Variants in SHPRH observed in about 807,000 individuals in gnomAD.
SHPRH encodes the protein E3 ubiquitin-protein ligase SHPRH.
SHPRH carries 106 observed loss-of-function variants against 202.5 expected under a neutral mutation model. The observed-to-expected ratio is 0.52, with a 90% CI of 0.45 to 0.62. The LOEUF is 0.62. SHPRH is among the 20% of genes least tolerant of loss of function. The probability of loss-of-function intolerance (pLI) is 0.00; values close to 1 mark genes in which losing one functional copy is unlikely to be tolerated. For synonymous variants in SHPRH, 729 were observed against 686.0 expected (o/e 1.06, Z -0.98); for missense variants, 1,710 against 2,020.0 (o/e 0.85, Z 2.94).
chr6:145,896,530 A>G (rs556995672), intron 25 of SHPRH, among the ~76,000 whole-genome samples: 1 of 152,196 alleles, frequency 6.6e-6, no homozygotes, highest in African/African-American at 2.4e-5. Context: ...AAAAGAACAG[A>G]GCATTTGCTT....
chr6:145,932,249 A>G (rs991484776), intron 14 of SHPRH, among the ~76,000 whole-genome samples: 3 of 152,120 alleles, frequency 2.0e-5, no homozygotes, highest in African/African-American at 7.2e-5. Context: ...GTGCTTATTA[A>G]AAGTGCCAGT....
chr6:145,928,775 A>G (rs1223389168), intron 14 of SHPRH, among the ~76,000 whole-genome samples: 1 of 151,988 alleles, frequency 6.6e-6, no homozygotes, highest in African/African-American at 2.4e-5. Context: ...TCTATTAGTT[A>G]GCTAATACAA....
chr6:145,871,516 A>T (rs915847696), intron 2 of SHPRH: 2 of 152,194 alleles, frequency 1.3e-5, no homozygotes, highest in Admixed American at 6.5e-5. Context: ...TTCAAGGAGA[A>T]CTACAAAGCA....
At chr6:145,941,510 C>T in intron 10 of SHPRH, 113 bp downstream of exon 10, 1 of 1,478,716 alleles carries the variant, frequency 6.8e-7, no homozygotes, top group Non-Finnish European at 9.0e-7. Flanking sequence ...AAACTTTTGA[C>T]CAATATCAGT....
intron 29 of SHPRH, 44 bp downstream of exon 29, chr6:145,887,976 C>A: frequency 7.0e-7 from 1 of 1,432,710 alleles, no homozygotes. Context: ...AAACTTTTAA[C>A]AGGAAAACCT....
chr6:145,869,819 C>CTTTTTT (rs71028375), intron 2 of SHPRH, among the ~76,000 whole-genome samples: 3 of 134,580 alleles, frequency 2.2e-5, no homozygotes, highest in Non-Finnish European at 3.2e-5. Flanking sequence ...TTTTTCTTTT[C>CTTTTTT]TTTTTTTTTT....
chr6:145,900,609 T>C (rs1480444455), intron 25 of SHPRH, among the ~76,000 whole-genome samples: 1 of 152,126 alleles, frequency 6.6e-6, no homozygotes, highest in East Asian at 1.9e-4. Context: ...AATAATGTAT[T>C]GTATACCATT....
downstream of SHPRH, among the ~76,000 whole-genome samples, chr6:145,880,306 AT>A (rs1780503890): frequency 6.6e-6 from 1 of 152,098 alleles, no homozygotes; most frequent in Non-Finnish European, 1.5e-5. Context: ...CCTCTGCAAA[AT>A]TCTTGACCCA....
chr6:145,960,925 A>G (rs9399571), intron 1 of SHPRH, among the ~76,000 whole-genome samples: 95,619 of 151,924 alleles, frequency 0.63, 30,624 homozygotes, highest in African/African-American at 0.73. Flanking sequence ...ACCTTAGATC[A>G]TCAGGCATTA....
chr6:145,962,206 G>A lies in SHPRH; in HGVS notation c.-33+1525C>T, dbSNP rs118104357. On this transcript the variant is annotated intron_variant, in intron 1 of 29. Transcript: ENST00000275233. ...TCCATGACTAGAGAAGCTGAGTTAAGGGCCTCTCTCTCCTCGATCCCAACT... is the reference window on the plus strand; with the variant it reads ...TCCATGACTAGAGAAGCTGAGTTAAAGGCCTCTCTCTCCTCGATCCCAACT... Among the ~76,000 whole-genome samples the A allele has an allele frequency of 4.2e-3, 634 of 152,278 alleles. 18 individuals are homozygous for A. The East Asian group carries it at 0.071, about 17-fold the overall frequency.
intron 2 of SHPRH, among the ~76,000 whole-genome samples, chr6:145,874,050 T>C (rs1780185285): frequency 6.6e-6 from 1 of 151,580 alleles, no homozygotes; most frequent in Non-Finnish European, 1.5e-5. Context: ...AATACAAAAT[T>C]AGCGGCGCAT....
intron 2 of SHPRH, among the ~76,000 whole-genome samples, chr6:145,876,412 T>C (rs1436492258): frequency 1.3e-5 from 2 of 152,196 alleles, no homozygotes; most frequent in African/African-American, 4.8e-5. Context: ...AGACATTTCT[T>C]ATAAACAGAA....
the SHPRH span, among the ~76,000 whole-genome samples, chr6:145,858,052 G>A: frequency 6.6e-6 from 1 of 152,032 alleles, no homozygotes; most frequent in African/African-American, 2.4e-5. Flanking sequence ...TAAAATTAAG[G>A]AATGACTATA....
At chr6:145,870,202 C>A (rs1236255000) in intron 2 of SHPRH, among the ~76,000 whole-genome samples, 1 of 150,942 alleles carries the variant, frequency 6.6e-6, no homozygotes, top group Non-Finnish European at 1.5e-5. Flanking sequence ...TCTTCTCTTA[C>A]AACCTTTCTA....
At chr6:145,907,492 C>G (rs963493741) in intron 25 of SHPRH, 1 of 152,088 alleles carries the variant, frequency 6.6e-6, no homozygotes, top group Non-Finnish European at 1.5e-5. Flanking sequence ...ATGGCTTTCT[C>G]CTTAAATAAA....
At chr6:145,891,567 A>C (rs980826315) in intron 28 of SHPRH, among the ~76,000 whole-genome samples, 5 of 152,164 alleles carry the variant, frequency 3.3e-5, no homozygotes, top group Admixed American at 6.6e-5. Flanking sequence ...CATGTTCCTA[A>C]AACAGTGCCT....
intron 2 of SHPRH, among the ~76,000 whole-genome samples, chr6:145,867,629 TATAGAGAGAGAGAG>T (rs1161550758): frequency 5.0e-4 from 22 of 43,910 alleles, no homozygotes; most frequent in African/African-American, 2.4e-3. Flanking sequence ...TATATATATA[TATAGAGAGAGAGAG>T]AGAGAGAGAG....
intron 2 of SHPRH, among the ~76,000 whole-genome samples, chr6:145,873,215 T>G (rs950833482): frequency 1.3e-5 from 2 of 152,108 alleles, no homozygotes; most frequent in Non-Finnish European, 2.9e-5. Flanking sequence ...AGAGTGATTA[T>G]GTCAGGGACT....
At chr6:145,930,742 C>T (rs527880280) in intron 14 of SHPRH, among the ~76,000 whole-genome samples, 33 of 152,200 alleles carry the variant, frequency 2.2e-4, no homozygotes, top group African/African-American at 5.3e-4. Flanking sequence ...TGGTTGACAG[C>T]GGTGTTTGAA....
Sources: allele counts gnomAD v4.1 joint callset (sites outside exome capture counted in the v4.1 genomes callset), GRCh38; gene constraint gnomAD v4.1.1; transcripts MANE v1.5; gene names NCBI Gene and HGNC (gene_info 2026-07-23, HGNC 2026-07-21).